PIK3C2G: variants seen among roughly 807,000 people sequenced by gnomAD.
PIK3C2G encodes phosphatidylinositol 3-kinase C2 domain-containing subunit gamma.
A neutral mutation model predicts 181.1 loss-of-function variants in PIK3C2G; 168 were observed. The observed-to-expected ratio is 0.93, with a 90% CI of 0.82 to 1.05. The LOEUF is 1.05. Among genes scored for constraint, PIK3C2G ranks in the 50% least tolerant of loss-of-function variants. PIK3C2G has a pLI of 0.00. For synonymous variants in PIK3C2G, 573 were observed against 592.2 expected, an observed-to-expected ratio of 0.97 and a Z score of 0.47; for missense variants, 1,869 against 1,732.8, an observed-to-expected ratio of 1.08 and a Z score of -1.40.
intron 15 of PIK3C2G, among the ~76,000 whole-genome samples, chr12:18,395,809 G>A (rs1943855851): frequency 6.6e-6 from 1 of 151,202 alleles, no homozygotes; most frequent in Admixed American, 6.6e-5. Flanking sequence ...ATGGTTGGCT[G>A]TAATATGCTT....
In PIK3C2G at chr12:18,586,108, A is replaced by T. The variant is rs574428854; in HGVS notation, c.4012-8386A>T. ...ACATCAAAAAGTTAGAAACATCTCAAATTAACAACCTAACATCACAACTAA... is the reference window on the plus strand; with the variant it reads ...ACATCAAAAAGTTAGAAACATCTCATATTAACAACCTAACATCACAACTAA... On this transcript the variant is annotated intron_variant, in intron 29 of 32. Transcript: ENST00000538779. Among the ~76,000 whole-genome samples the T allele has an allele frequency of 3.9e-5, 6 of 152,292 alleles. No individual in the cohort carries two copies. In the East Asian group the frequency reaches 1.2e-3, roughly 29 times the overall value.
chr12:18,701,478 A>AT, the PIK3C2G span: 1 of 1,614,020 alleles, frequency 6.2e-7, no homozygotes, highest in African/African-American at 1.3e-5. Flanking sequence ...CACTTGTAAG[A>AT]TTTTCACAAA....
At chr12:18,315,674 A>C (rs932914358) in intron 6 of PIK3C2G, among the ~76,000 whole-genome samples, 2 of 152,170 alleles carry the variant, frequency 1.3e-5, no homozygotes, top group Non-Finnish European at 2.9e-5. Flanking sequence ...AAAATAAGGA[A>C]ACGGAATCAC....
At chr12:18,518,021 T>A (rs180783647) in intron 24 of PIK3C2G, among the ~76,000 whole-genome samples, 48 of 152,318 alleles carry the variant, frequency 3.2e-4, no homozygotes, top group African/African-American at 1.1e-3. Context: ...TCTGTTTATA[T>A]GACGATGGAT....
At chr12:18,624,381 C>A (rs1948998405) in intron 31 of PIK3C2G, among the ~76,000 whole-genome samples, 1 of 151,528 alleles carries the variant, frequency 6.6e-6, no homozygotes, top group Admixed American at 6.6e-5. Context: ...GGGATAAATC[C>A]CACTTGTTCG....
the PIK3C2G span, among the ~76,000 whole-genome samples, chr12:18,721,290 A>T: frequency 0.44 from 66,937 of 151,512 alleles, 17,557 homozygotes; most frequent in East Asian, 0.66. Flanking sequence ...TCACATACCA[A>T]TGAGGGATGA....
At chr12:18,314,174 T>G (rs1950761731) in intron 6 of PIK3C2G, 110 bp downstream of exon 6, 1 of 601,504 alleles carries the variant, frequency 1.7e-6, no homozygotes, top group African/African-American at 1.9e-5. Context: ...AATTAATACA[T>G]GTTTATTTAA....
chr12:18,560,756 A>G (rs1420651550), intron 26 of PIK3C2G, among the ~76,000 whole-genome samples: 1 of 152,282 alleles, frequency 6.6e-6, no homozygotes, highest in African/African-American at 2.4e-5. Context: ...AAAAAATTTC[A>G]AAAGTGAAAG....
At chr12:18,330,458 T>C (rs1268081538) in intron 8 of PIK3C2G, among the ~76,000 whole-genome samples, 1 of 152,192 alleles carries the variant, frequency 6.6e-6, no homozygotes, top group African/African-American at 2.4e-5. Context: ...ACACCTGTTA[T>C]TGTCAGTGTT....
intron 18 of PIK3C2G, among the ~76,000 whole-genome samples, chr12:18,486,617 AG>A (rs763458479): frequency 5.9e-5 from 9 of 152,180 alleles, no homozygotes; most frequent in South Asian, 4.1e-4. Context: ...GCAGTTGGGT[AG>A]TCATAGAGTT....
chr12:18,589,734 G>A (rs1946976682), intron 29 of PIK3C2G, among the ~76,000 whole-genome samples: 1 of 151,976 alleles, frequency 6.6e-6, no homozygotes, highest in South Asian at 2.1e-4. Flanking sequence ...AATACAATTT[G>A]TTTAGCACAT....
At chr12:18,633,498 A>C (rs477949) in intron 31 of PIK3C2G, among the ~76,000 whole-genome samples, 2 of 152,184 alleles carry the variant, frequency 1.3e-5, no homozygotes, top group South Asian at 2.1e-4. Context: ...TTTACCTGGT[A>C]GGGTAACCCA....
At chr12:18,685,725 A>G in the PIK3C2G span, 1 of 487,924 alleles carries the variant, frequency 2.0e-6, no homozygotes, top group South Asian at 1.5e-5. Context: ...TAGATACTGC[A>G]AAACATCTGC....
chr12:18,349,648 TACTTA>T (rs1197226596), intron 11 of PIK3C2G, among the ~76,000 whole-genome samples: 1 of 152,210 alleles, frequency 6.6e-6, no homozygotes, highest in Non-Finnish European at 1.5e-5. Flanking sequence ...GAAATTTAAT[TACTTA>T]ACTTTATCCT....
At chr12:18,691,501 A>G in the PIK3C2G span, among the ~76,000 whole-genome samples, 1 of 152,280 alleles carries the variant, frequency 6.6e-6, no homozygotes, top group South Asian at 2.1e-4. Flanking sequence ...ACTTTAGTTA[A>G]CATAAATATC....
At chr12:18,505,196 T>G (rs1941740692) in intron 23 of PIK3C2G, 96 bp from the exon 24 acceptor site, 2 of 1,060,424 alleles carry the variant, frequency 1.9e-6, no homozygotes, top group Non-Finnish European at 2.7e-6. Context: ...ATTATGTAAT[T>G]TTGCTTATCA....
intron 16 of PIK3C2G, among the ~76,000 whole-genome samples, chr12:18,408,401 T>TG (rs1161688413): frequency 6.6e-6 from 1 of 152,212 alleles, no homozygotes; most frequent in Non-Finnish European, 1.5e-5. Flanking sequence ...CTGAGGCCTC[T>TG]GTTCTGTTCC....
At chr12:18,349,673 T>C (rs1354531206) in intron 11 of PIK3C2G, among the ~76,000 whole-genome samples, 1 of 152,160 alleles carries the variant, frequency 6.6e-6, no homozygotes, top group Non-Finnish European at 1.5e-5. Context: ...TCTCTATAGA[T>C]TGAAAGTGCC....
rs1423521380 is a variant in PIK3C2G at position 18,488,465 on chromosome 12, G to A, written c.2521G>A (p.Glu841Lys). 1 of 1,514,792 alleles carries A rather than the reference G, an allele frequency of 6.6e-7. No individual in the cohort carries two copies. The highest frequency in any genetic ancestry group is 8.8e-7 in the Non-Finnish European group (1 of 1,132,200). 93.8% of individuals were successfully genotyped at this position (1,514,792 alleles called of 1,614,324 possible). A position where few individuals can be genotyped will look rare whatever the true frequency, so the allele number is the denominator to read the frequency against. The change falls in exon 19 of 33, where the codon GAA (glutamate) becomes AAA (lysine). Residue 841 changes from glutamate (E) to lysine (K), a missense_variant. By Grantham distance (56) the Glu-to-Lys change is moderately conservative. Coordinates refer to ENST00000538779, the MANE Select transcript of PIK3C2G (RefSeq NM_001288772.2). ...HRLYWLLKNAENEAYFKSWYQ... is the reference protein window; with the variant it reads ...HRLYWLLKNAKNEAYFKSWYQ... Reference sequence around the variant, plus strand: ...TTCCTTCAGGCTGCTAAAAAATGCAGAAAATGAAGCTTATTTTAAAAGCTG... The same window carrying A: ...TTCCTTCAGGCTGCTAAAAAATGCAAAAAATGAAGCTTATTTTAAAAGCTG...
Sources: allele counts gnomAD v4.1 joint callset (sites outside exome capture counted in the v4.1 genomes callset), GRCh38; gene constraint gnomAD v4.1.1; transcripts MANE v1.5; gene names NCBI Gene and HGNC (gene_info 2026-07-23, HGNC 2026-07-21).